PIK3C2G: variants seen among roughly 807,000 people sequenced by gnomAD.
The protein encoded by PIK3C2G is phosphatidylinositol 3-kinase C2 domain-containing subunit gamma.
Under a neutral mutation model 181.1 loss-of-function variants are expected in PIK3C2G, and 168 were observed. The observed-to-expected ratio is 0.93, with a 90% CI of 0.82 to 1.05. The LOEUF (loss-of-function observed/expected upper bound fraction) is 1.05. PIK3C2G is among the 50% of genes least tolerant of loss of function. The pLI is 0.00. For missense variants in PIK3C2G, 1,869 were observed against 1,732.8 expected (o/e 1.08, Z -1.40); for synonymous variants, 573 against 592.2 (o/e 0.97, Z 0.47).
downstream of PIK3C2G, among the ~76,000 whole-genome samples, chr12:18,650,662 A>AT (rs1950409257): frequency 1.3e-5 from 1 of 78,564 alleles, no homozygotes; most frequent in Non-Finnish European, 2.7e-5. Context: ...ACTGGAATAT[A>AT]AATGTGTGTG....
chr12:18,480,555 T>C (rs975579623), intron 18 of PIK3C2G, among the ~76,000 whole-genome samples: 1 of 152,030 alleles, frequency 6.6e-6, no homozygotes, highest in African/African-American at 2.4e-5. Context: ...GGCTCAGACA[T>C]TGGACCAAAT....
intron 8 of PIK3C2G, among the ~76,000 whole-genome samples, chr12:18,325,993 G>A (rs1305436085): frequency 6.6e-6 from 1 of 152,140 alleles, no homozygotes. Flanking sequence ...AGCCCAAAGA[G>A]ATGATGAGGG....
chr12:18,580,661 A>G (rs542172482), intron 29 of PIK3C2G, among the ~76,000 whole-genome samples: 29 of 152,344 alleles, frequency 1.9e-4, no homozygotes, highest in African/African-American at 5.8e-4. Context: ...AAAGTTCACT[A>G]TTCTTCATAG....
intron 1 of PIK3C2G, among the ~76,000 whole-genome samples, chr12:18,273,009 T>A (rs1299205159): frequency 6.7e-6 from 1 of 149,400 alleles, no homozygotes; most frequent in Non-Finnish European, 1.5e-5. Flanking sequence ...CACACCCCCA[T>A]CCATAGACAC....
chr12:18,470,058 A>G (rs1364966312), intron 18 of PIK3C2G, among the ~76,000 whole-genome samples: 2 of 151,908 alleles, frequency 1.3e-5, no homozygotes, highest in Non-Finnish European at 2.9e-5. Context: ...TTGCTATTAT[A>G]TCTCCTCTTT....
At chr12:18,382,533 C>A (rs1199672692) in intron 14 of PIK3C2G, among the ~76,000 whole-genome samples, 1 of 152,124 alleles carries the variant, frequency 6.6e-6, no homozygotes, top group East Asian at 1.9e-4. Context: ...CTTTTCATCT[C>A]TATAGGAAAA....
chr12:18,364,790 C>T (rs142136453), intron 12 of PIK3C2G, among the ~76,000 whole-genome samples: 44 of 152,048 alleles, frequency 2.9e-4, no homozygotes, highest in African/African-American at 1.2e-4. Flanking sequence ...CCCAGCCACA[C>T]GGGAGGCTAA....
chr12:18,516,300 T>C (rs554985136), intron 24 of PIK3C2G, among the ~76,000 whole-genome samples: 39 of 151,576 alleles, frequency 2.6e-4, no homozygotes, highest in Non-Finnish European at 4.3e-4. Context: ...GAATATGTTA[T>C]CCTGCTTTCT....
At chr12:18,306,083 C>T (rs569327444) in intron 5 of PIK3C2G, among the ~76,000 whole-genome samples, 1 of 151,842 alleles carries the variant, frequency 6.6e-6, no homozygotes, top group East Asian at 1.9e-4. Context: ...AACCTCTTTG[C>T]AGAATGTTCC....
intron 24 of PIK3C2G, among the ~76,000 whole-genome samples, chr12:18,521,266 A>G (rs1044681536): frequency 6.6e-6 from 1 of 152,148 alleles, no homozygotes; most frequent in Non-Finnish European, 1.5e-5. Context: ...AAGCACTTTG[A>G]CTGTCCTGTG....
At position 18,594,485 on chromosome 12, in the gene PIK3C2G, G is replaced by A. The variant is rs370921856; in HGVS notation, c.4012-9G>A. ...ATAAAGAAATATTATGTTTCATTTT[G>A]TTTTTCAGAGTGATTGTGTACTTAG... On this transcript the variant is annotated splice_polypyrimidine_tract_variant and intron_variant, in intron 29 of 32. Coordinates refer to ENST00000538779, the MANE Select transcript of PIK3C2G (RefSeq NM_001288772.2). 5.1e-5 allele frequency: 77 copies of A among 1,512,000 alleles called. No individual in the cohort carries two copies. Among genetic ancestry groups the A allele is most frequent in the Non-Finnish European group, 6.7e-5 (75 of 1,125,496 alleles). The allele number at this position is 1,512,000 out of a possible 1,614,324, so 93.7% of individuals were successfully genotyped here.
intron 1 of PIK3C2G, among the ~76,000 whole-genome samples, chr12:18,279,047 A>G (rs1326765281): frequency 6.6e-6 from 1 of 152,042 alleles, no homozygotes; most frequent in East Asian, 1.9e-4. Context: ...AATAAAAATT[A>G]AAAAGTTTTT....
At chr12:18,396,226 G>C (rs970924648) in intron 15 of PIK3C2G, among the ~76,000 whole-genome samples, 1 of 151,376 alleles carries the variant, frequency 6.6e-6, no homozygotes, top group Non-Finnish European at 1.5e-5. Context: ...TTATATATAA[G>C]CAATTAGATT....
chr12:18,244,017 C>G (rs1156579720), upstream of PIK3C2G, among the ~76,000 whole-genome samples: 1 of 151,898 alleles, frequency 6.6e-6, no homozygotes, highest in Non-Finnish European at 1.5e-5. Context: ...GAGAATTAAG[C>G]ACAAGGTACA....
chr12:18,718,592 A>G, the PIK3C2G span, among the ~76,000 whole-genome samples: 3 of 152,126 alleles, frequency 2.0e-5, no homozygotes, highest in African/African-American at 7.2e-5. Context: ...CCTTCCCACT[A>G]GATGTTTCTA....
the PIK3C2G span, chr12:18,693,702 C>G: frequency 6.4e-7 from 1 of 1,563,778 alleles, no homozygotes. Flanking sequence ...CAGCGAACAA[C>G]GTTGGAACTG....
At chr12:18,404,675 T>C (rs1442775148) in intron 16 of PIK3C2G, among the ~76,000 whole-genome samples, 2 of 152,160 alleles carry the variant, frequency 1.3e-5, no homozygotes, top group Non-Finnish European at 2.9e-5. Flanking sequence ...AATCATTTTA[T>C]ATAACATTAG....
chr12:18,488,995 C>T (rs1344075897), intron 19 of PIK3C2G, among the ~76,000 whole-genome samples: 1 of 151,988 alleles, frequency 6.6e-6, no homozygotes, highest in African/African-American at 2.4e-5. Flanking sequence ...TGTCGTTGCT[C>T]AGCAAAGGAC....
chr12:18,323,356 T>A (rs930229790), intron 7 of PIK3C2G, among the ~76,000 whole-genome samples: 1 of 152,174 alleles, frequency 6.6e-6, no homozygotes, highest in African/African-American at 2.4e-5. Context: ...TGCTATTTTG[T>A]CTGTGGTAAG....
Sources: gnomAD v4.1 joint callset for allele counts (sites outside exome capture counted in the v4.1 genomes callset) on GRCh38, gnomAD v4.1.1 for gene constraint, MANE v1.5 for transcripts, NCBI Gene and HGNC (gene_info 2026-07-23, HGNC 2026-07-21) for gene names.